The following GSTA4 variants were observed in gnomAD, a reference collection of about 807,000 sequenced individuals.
The protein encoded by GSTA4 is glutathione S-transferase alpha 4, also known as glutathione S-transferase A4.
GSTA4 carries 15 observed loss-of-function variants against 24.4 expected under a neutral mutation model. That is an observed-to-expected ratio of 0.61 (90% CI 0.41 to 0.95). The LOEUF is 0.95. GSTA4 is among the 40% of genes least tolerant of loss of function. GSTA4 has a pLI of 0.00. For missense variants in GSTA4, 244 were observed against 262.1 expected (o/e 0.93, Z 0.48); for synonymous variants, 92 against 94.2 (o/e 0.98, Z 0.13).
At position 52,987,356 on chromosome 6, in the gene GSTA4, C is replaced by G; in HGVS notation, c.139+1G>C. On this transcript the variant is annotated splice_donor_variant, in intron 3 of 6. Transcript: ENST00000370963. LOFTEE classifies it high-confidence loss of function. ...GGCAGTTGTTTCATTTTCATACTCA[C>G]CATCCTGCAACTTGTACAACTGTTC... The G allele has an allele frequency of 6.3e-7, 1 of 1,579,242 alleles. No individual in the cohort carries two copies. Among genetic ancestry groups the G allele is most frequent in the Non-Finnish European group, 8.7e-7 (1 of 1,153,448 alleles).
intron 6 of GSTA4, among the ~76,000 whole-genome samples, chr6:52,980,461 G>A (rs1763431303): frequency 6.6e-6 from 1 of 152,060 alleles, no homozygotes. Context: ...ATGCCACCAT[G>A]CTCAGCTAAT....
chr6:52,987,482 C>A, intron 2 of GSTA4, 74 bp from the exon 3 acceptor site: 1 of 783,166 alleles, frequency 1.3e-6, no homozygotes, highest in South Asian at 1.6e-5. Flanking sequence ...AAAATCCTGT[C>A]ATTTTCAGCA....
chr6:52,992,374 C>G (rs1365829493), intron 2 of GSTA4, among the ~76,000 whole-genome samples: 1 of 152,202 alleles, frequency 6.6e-6, no homozygotes, highest in East Asian at 1.9e-4. Flanking sequence ...AATGTAGATA[C>G]TCCCTCACCC....
chr6:52,984,676 C>A, intron 4 of GSTA4, 71 bp from the exon 5 acceptor site: 45 of 1,083,424 alleles, frequency 4.2e-5, no homozygotes, highest in Non-Finnish European at 5.4e-5. Context: ...ACTAAGAATT[C>A]AGAGTGCTTT....
chr6:52,983,420 G>A (rs1763491205), intron 5 of GSTA4, among the ~76,000 whole-genome samples: 1 of 152,202 alleles, frequency 6.6e-6, no homozygotes, highest in Non-Finnish European at 1.5e-5. Flanking sequence ...GTGCACAAGT[G>A]TGTGTGTCAC....
chr6:52,990,547 T>C (rs773833378), intron 2 of GSTA4, among the ~76,000 whole-genome samples: 1 of 152,102 alleles, frequency 6.6e-6, no homozygotes, highest in Non-Finnish European at 1.5e-5. Flanking sequence ...TGGACTGGGG[T>C]AGGTGGGTCA....
At chr6:52,994,476 T>G (rs1763727995) in intron 1 of GSTA4, 1 of 486,192 alleles carries the variant, frequency 2.1e-6, no homozygotes, top group Non-Finnish European at 3.7e-6. Context: ...TATTTATGAC[T>G]TCTTATCCTG....
In GSTA4 at chr6:52,987,419, A is replaced by T. The variant is rs1467376927; in HGVS notation, c.88-11T>A. On this transcript the variant is annotated splice_polypyrimidine_tract_variant and intron_variant, in intron 2 of 6. Coordinates refer to ENST00000370963, the MANE Select transcript of GSTA4 (RefSeq NM_001512.4). ...AAATTCTTCATCAAACTAAATTTTTAAAAAAGAAACGTATATATACATAGT... is the reference window on the plus strand; with the variant it reads ...AAATTCTTCATCAAACTAAATTTTTTAAAAAGAAACGTATATATACATAGT... 1.4e-6 allele frequency: 2 copies of T among 1,471,662 alleles called. No individual in the cohort carries two copies. Among genetic ancestry groups the T allele is most frequent in the Non-Finnish European group, 9.5e-7 (1 of 1,053,692 alleles). The allele number at this position is 1,471,662 out of a possible 1,614,324, so 91.2% of individuals were successfully genotyped here. A position where few individuals can be genotyped will look rare whatever the true frequency, so the allele number is the denominator to read the frequency against.
intron 2 of GSTA4, among the ~76,000 whole-genome samples, chr6:52,989,673 G>A (rs1763629021): frequency 6.6e-6 from 1 of 152,108 alleles, no homozygotes; most frequent in Non-Finnish European, 1.5e-5. Flanking sequence ...CTCATGAACA[G>A]TATCCTTGGG....
intron 5 of GSTA4, 121 bp downstream of exon 5, chr6:52,984,343 G>T: frequency 1.1e-6 from 1 of 874,432 alleles, no homozygotes; most frequent in Non-Finnish European, 1.8e-6. Flanking sequence ...GTCCATTAGC[G>T]CTTAGGTTAG....
At chr6:52,978,742 AG>A in intron 6 of GSTA4, 150 bp from the exon 7 acceptor site, 1 of 577,618 alleles carries the variant, frequency 1.7e-6, no homozygotes, top group South Asian at 2.3e-5. Flanking sequence ...TTTGTTTAGC[AG>A]GGGTGTCCAA....
At chr6:52,981,779 T>G (rs184364803) in intron 6 of GSTA4, among the ~76,000 whole-genome samples, 12 of 152,362 alleles carry the variant, frequency 7.9e-5, no homozygotes, top group Admixed American at 7.2e-4. Context: ...TTCTTTATTC[T>G]GGGTCTCTAC....
intron 6 of GSTA4, among the ~76,000 whole-genome samples, chr6:52,979,669 A>T (rs1763412480): frequency 7.9e-6 from 1 of 127,152 alleles, no homozygotes; most frequent in Admixed American, 7.8e-5. Context: ...AAAAGTGAAG[A>T]GGTCATTTTA....
chr6:52,982,475 T>A, intron 6 of GSTA4, 99 bp downstream of exon 6: 1 of 577,204 alleles, frequency 1.7e-6, no homozygotes, highest in Non-Finnish European at 2.9e-6. Flanking sequence ...ATATTACACA[T>A]ACACACACAC....
intron 5 of GSTA4, among the ~76,000 whole-genome samples, 171 bp from the exon 6 acceptor site, chr6:52,982,876 A>AGAGAGGGG (rs1763478848): frequency 8.1e-6 from 1 of 124,050 alleles, no homozygotes; most frequent in Admixed American, 8.4e-5. Context: ...AGAGAGTGAG[A>AGAGAGGGG]GAGAGGGGGA....
Position 52,984,527 on chromosome 6 carries a change from C to T in GSTA4, c.351G>A (p.Gln117=), listed in dbSNP as rs1802061. The T allele has an allele frequency of 0.059, 95,137 of 1,612,926 alleles. 3,179 individuals carry two copies. The highest frequency in any genetic ancestry group is 0.067 in the Non-Finnish European group (78,858 of 1,178,998). ...IMHPFLKPDD[Q]QKEVVNMAQK... ...GGGCCATGTTAACCACTTCCTTTTG[C>T]TGATCATCTGGTTTTAAGAAAGGAT... The change falls in exon 5 of 7, where the codon CAG becomes CAA. Residue 117 remains glutamine (Q), a synonymous_variant. Coordinates refer to ENST00000370963, the MANE Select transcript of GSTA4 (RefSeq NM_001512.4).
chr6:52,979,809 ATG>A (rs1763415152), intron 6 of GSTA4, among the ~76,000 whole-genome samples: 1 of 152,230 alleles, frequency 6.6e-6, no homozygotes, highest in Non-Finnish European at 1.5e-5. Flanking sequence ...ATATATAAAT[ATG>A]ACAATTTTCT....
In GSTA4 at chr6:52,978,512, A is replaced by C. The variant is rs750892870; in HGVS notation, c.627T>G (p.Asp209Glu). Reference sequence around the variant, plus strand: ...TGTAGACGGTTCTCACATAAATTTCATCAGGGGGAGGCTTCTTCTTGCTGC... The same window carrying C: ...TGTAGACGGTTCTCACATAAATTTCCTCAGGGGGAGGCTTCTTCTTGCTGC... Reference protein sequence around the residue: ...EPGSKKKPPPDEIYVRTVYNI... With the variant: ...EPGSKKKPPPEEIYVRTVYNI... Residue 209 changes from aspartate (D) to glutamate (E), a missense_variant, in exon 7 of 7, where the codon GAT becomes GAG. Coordinates refer to ENST00000370963, the MANE Select transcript of GSTA4 (RefSeq NM_001512.4). 12 of 1,613,490 alleles carry C rather than the reference A, an allele frequency of 7.4e-6. No homozygotes were observed. Among genetic ancestry groups the C allele is most frequent in the Non-Finnish European group, 1.0e-5 (12 of 1,179,544 alleles).
Position 52,984,505 on chromosome 6 carries a change from C to T in GSTA4, c.373G>A (p.Ala125Thr), listed in dbSNP as rs746242081. The change falls in exon 5 of 7, where the codon GCC becomes ACC. Residue 125 changes from alanine (A) to threonine (T), a missense_variant. Ala to Thr is a moderately conservative substitution (Grantham distance 58, BLOSUM62 0). Coordinates refer to ENST00000370963, the MANE Select transcript of GSTA4 (RefSeq NM_001512.4). ...AAGTATCTAATTATAGCCTTCTGGGCCATGTTAACCACTTCCTTTTGCTGA... is the reference window on the plus strand; with the variant it reads ...AAGTATCTAATTATAGCCTTCTGGGTCATGTTAACCACTTCCTTTTGCTGA... ...DDQQKEVVNM[A>T]QKAIIRYFPV... 3 of 1,613,808 alleles carry T rather than the reference C, an allele frequency of 1.9e-6. No homozygotes were observed. The highest frequency in any genetic ancestry group is 1.7e-5 in the Admixed American group (1 of 59,970).
Sources: gnomAD v4.1 joint callset for allele counts (sites outside exome capture counted in the v4.1 genomes callset) on GRCh38, gnomAD v4.1.1 for gene constraint, MANE v1.5 for transcripts, NCBI Gene and HGNC (gene_info 2026-07-23, HGNC 2026-07-21) for gene names.